Variants in ARID1A observed in about 807,000 individuals in gnomAD.
ARID1A encodes the protein AT-rich interactive domain-containing protein 1A.
A neutral mutation model predicts 212.6 loss-of-function variants in ARID1A; 20 were observed. The ratio of observed to expected loss-of-function variants is 0.09; its 90% CI spans 0.07 to 0.14. The LOEUF (loss-of-function observed/expected upper bound fraction) is 0.14, where lower values mean the gene tolerates loss of function less well. ARID1A is among the 10% of genes least tolerant of loss of function. The pLI, the probability that ARID1A is intolerant of heterozygous loss-of-function variation, is 1.00. For synonymous variants in ARID1A, 1,376 were observed against 1,222.1 expected (o/e 1.13, Z -2.63); for missense variants, 2,587 against 3,059.0 (o/e 0.85, Z 3.64).
chr1:26,719,858 T>G (rs904301719), intron 1 of ARID1A, among the ~76,000 whole-genome samples: 2 of 149,802 alleles, frequency 1.3e-5, no homozygotes, highest in Non-Finnish European at 3.0e-5. Context: ...GGAGAATTGC[T>G]TGAACCCGGG....
At chr1:26,705,855 C>CT (rs2080387026) in intron 1 of ARID1A, among the ~76,000 whole-genome samples, 1 of 152,190 alleles carries the variant, frequency 6.6e-6, no homozygotes, top group African/African-American at 2.4e-5. Context: ...CAGGTTGAGT[C>CT]TATTTCCCAG....
chr1:26,766,420 A>C, intron 9 of ARID1A, 37 bp from the exon 10 acceptor site: 2 of 1,613,894 alleles, frequency 1.2e-6, no homozygotes, highest in South Asian at 2.2e-5. Flanking sequence ...ATCACAGCTA[A>C]ACTTACTGGA....
intron 4 of ARID1A, among the ~76,000 whole-genome samples, chr1:26,738,397 A>G (rs1278039762): frequency 6.6e-6 from 1 of 152,156 alleles, no homozygotes; most frequent in Non-Finnish European, 1.5e-5. Flanking sequence ...TATTTAATGC[A>G]AGTTCATTGA....
At position 26,768,015 on chromosome 1, in the gene ARID1A, A is replaced by G. The variant is rs2124088102; in HGVS notation, c.3198+16A>G. On this transcript the variant is annotated intron_variant, in intron 11 of 19. Transcript: ENST00000324856. ...ATTGACTCAGGTGAGTGGGCGCCTG[A>G]CACTTGACTGCCCCTGTGGTTTCCA... 6.2e-7 allele frequency: 1 copy of G among 1,612,238 alleles called. No individual in the cohort carries two copies. Among genetic ancestry groups the G allele is most frequent in the Non-Finnish European group, 8.5e-7 (1 of 1,178,702 alleles).
At chr1:26,762,740 A>T (rs943820511) in intron 7 of ARID1A, among the ~76,000 whole-genome samples, 1 of 152,242 alleles carries the variant, frequency 6.6e-6, no homozygotes, top group Non-Finnish European at 1.5e-5. Flanking sequence ...AAAGGAAGTT[A>T]TCTTCTTCTG....
At chr1:26,761,243 C>A (rs747862492) in intron 5 of ARID1A, 141 bp from the exon 6 acceptor site, 5 of 1,457,120 alleles carry the variant, frequency 3.4e-6, no homozygotes, top group Non-Finnish European at 4.6e-6. Context: ...GAGATTGGAA[C>A]CTGTTGGCTG....
At chr1:26,770,571 A>C (rs2081074732) in intron 11 of ARID1A, 3 of 153,064 alleles carry the variant, frequency 2.0e-5, no homozygotes, top group African/African-American at 7.2e-5. Flanking sequence ...CAGCCTGATC[A>C]ACATGGTGAA....
chr1:26,771,005 TA>T lies in ARID1A; in HGVS notation c.3199-112del. 1.1e-6 allele frequency: 1 copy of T among 929,242 alleles called. No homozygotes were observed. Among genetic ancestry groups the T allele is most frequent in the Non-Finnish European group, 1.7e-6 (1 of 604,012 alleles). 57.6% of individuals were successfully genotyped at this position (929,242 alleles called of 1,614,324 possible). On this transcript the variant is annotated intron_variant, in intron 11 of 19. Transcript: ENST00000324856. The surrounding 1 kb of genome is among the most constrained non-coding windows in gnomAD (Gnocchi z 5.4). ...AGCAAGATTAACTTTTTCAATTACC[TA>T]AGAACTGTGGTTCTACAAAGATGAA...
In ARID1A at chr1:26,775,167, A is replaced by G. The variant is rs2124123858; in HGVS notation, c.4940A>G (p.Glu1647Gly). 6.2e-7 allele frequency: 1 copy of G among 1,611,976 alleles called. No homozygotes were observed. The highest frequency in any genetic ancestry group is 8.5e-7 in the Non-Finnish European group (1 of 1,179,228). ...RDITFPPGSV[E>G]ATQPVLKQRR... ...ATCACCTTCCCACCTGGCTCTGTTG[A>G]AGCCACACAGCCTGTGTTGAAGCAG... The change falls in exon 18 of 20, where the codon GAA (glutamate) becomes GGA (glycine). Residue 1647 changes from glutamate to glycine, a missense_variant. Around this residue, in one of 11 missense-constraint regions of ARID1A, gnomAD observed 890 missense variants for 1,098.2 expected, o/e 0.81. Transcript: ENST00000324856.
In ARID1A at chr1:26,775,673, A is replaced by G. The variant is rs375761808; in HGVS notation, c.5090A>G (p.Asp1697Gly). ...ALDTINILLY[D>G]DNSIMTFNLS... ...GATACCATCAACATCCTGCTGTATG[A>G]TGACAACAGCATCATGACCTTCAAC... The change falls in exon 19 of 20, where the codon GAT (aspartate) becomes GGT (glycine). Residue 1697 changes from aspartate (D) to glycine (G), a missense_variant. Physicochemically the swap from Asp to Gly is moderately conservative, Grantham distance 94. Coordinates refer to ENST00000324856, the MANE Select transcript of ARID1A (RefSeq NM_006015.6). The G allele has an allele frequency of 3.1e-6, 5 of 1,614,200 alleles. No homozygotes were observed. Among genetic ancestry groups the G allele is most frequent in the Non-Finnish European group, 4.2e-6 (5 of 1,180,014 alleles).
At chr1:26,768,324 A>G (rs960435081) in intron 11 of ARID1A, among the ~76,000 whole-genome samples, 12 of 152,202 alleles carry the variant, frequency 7.9e-5, no homozygotes, top group African/African-American at 2.9e-4. Context: ...ATTTGGAGAG[A>G]TGGACCTGGT....
At chr1:26,709,835 C>CTT (rs11303126) in intron 1 of ARID1A, among the ~76,000 whole-genome samples, 2 of 138,826 alleles carry the variant, frequency 1.4e-5, no homozygotes, top group Non-Finnish European at 3.2e-5. Context: ...AGCTTGCTTA[C>CTT]TTTTTTTTTT....
chr1:26,727,691 A>G (rs114648311), intron 1 of ARID1A: 55 of 152,344 alleles, frequency 3.6e-4, no homozygotes, highest in Middle Eastern at 3.4e-3. Context: ...TAGAAGCTCT[A>G]TAGTAACCAT....
At position 26,781,860 on chromosome 1, in the gene ARID1A, T is replaced by G. The variant is rs1408722599; in HGVS notation, c.*1104T>G. 8.6e-6 allele frequency: 2 copies of G among 233,616 alleles called. No homozygotes were observed. The highest frequency in any genetic ancestry group is 1.1e-4 in the Admixed American group (2 of 17,782). 14.5% of individuals were successfully genotyped at this position (233,616 alleles called of 1,614,324 possible). ...TTTTTTTCTGGGTTTTTGTTTTGTT[T>G]TGTTTTCTTTCTAATCGAGGTGTGA... On this transcript the variant is annotated 3_prime_UTR_variant, in exon 20 of 20. Coordinates refer to ENST00000324856, the MANE Select transcript of ARID1A (RefSeq NM_006015.6).
chr1:26,772,381 A>G (rs966624028), intron 12 of ARID1A, 119 bp from the exon 13 acceptor site: 6 of 1,432,092 alleles, frequency 4.2e-6, no homozygotes, highest in Middle Eastern at 1.8e-4. Context: ...AAGGGTGATC[A>G]GGCTTTAAAG....
At chr1:26,735,057 T>A (rs1013173179) in intron 4 of ARID1A, among the ~76,000 whole-genome samples, 1 of 152,194 alleles carries the variant, frequency 6.6e-6, no homozygotes, top group Admixed American at 6.5e-5. Context: ...CCTGATCATG[T>A]TATCCCTATA....
chr1:26,757,759 C>T (rs1272811102), intron 4 of ARID1A, among the ~76,000 whole-genome samples: 1 of 152,184 alleles, frequency 6.6e-6, no homozygotes, highest in East Asian at 1.9e-4. Flanking sequence ...CCTCCACCTC[C>T]CGGGTTCAAG....
chr1:26,717,744 GA>G (rs1369586064), intron 1 of ARID1A, among the ~76,000 whole-genome samples: 1 of 152,122 alleles, frequency 6.6e-6, no homozygotes. Context: ...ATGCTTGGGA[GA>G]AAAAGTTAAT....
intron 10 of ARID1A, 119 bp from the exon 11 acceptor site, chr1:26,767,671 G>A: frequency 9.4e-7 from 1 of 1,061,240 alleles, no homozygotes; most frequent in East Asian, 2.6e-5. Flanking sequence ...TAGGACAGGT[G>A]TTAGTAACCA....
Sources: allele counts gnomAD v4.1 joint callset (sites outside exome capture counted in the v4.1 genomes callset), GRCh38; gene constraint gnomAD v4.1.1; regional missense constraint gnomAD v4.1.1; non-coding constraint Gnocchi (gnomAD v3.1); transcripts MANE v1.5; gene names NCBI Gene and HGNC (gene_info 2026-07-23, HGNC 2026-07-21).